NTM: variants seen among roughly 807,000 people sequenced by gnomAD.
The protein encoded by NTM is IgLON family member 2.
NTM carries 13 observed loss-of-function variants against 42.1 expected under a neutral mutation model. The ratio of observed to expected loss-of-function variants is 0.31; its 90% confidence interval spans 0.20 to 0.49. NTM has a LOEUF of 0.49. Among genes scored for constraint, NTM ranks in the 20% least tolerant of loss-of-function variants. The probability of loss-of-function intolerance (pLI) is 0.99; values close to 1 mark genes in which losing one functional copy is unlikely to be tolerated. For missense variants in NTM, 373 were observed against 452.8 expected (o/e 0.82, Z 1.60); for synonymous variants, 187 against 179.2 (o/e 1.04, Z -0.35).
intron 2 of NTM, among the ~76,000 whole-genome samples, chr11:131,921,133 A>G (rs1239629326): frequency 6.6e-6 from 1 of 152,172 alleles, no homozygotes; most frequent in Non-Finnish European, 1.5e-5. Context: ...ATTTTGTCCC[A>G]TCTCCCCACC....
intron 2 of NTM, among the ~76,000 whole-genome samples, chr11:131,992,267 ATTAC>A (rs1162339634): frequency 2.0e-5 from 3 of 152,156 alleles, no homozygotes; most frequent in African/African-American, 4.8e-5. Flanking sequence ...TTTCTCGTTT[ATTAC>A]TTTATTATAC....
At chr11:131,611,996 T>C (rs576724824) in intron 1 of NTM, among the ~76,000 whole-genome samples, 1 of 152,248 alleles carries the variant, frequency 6.6e-6, no homozygotes, top group African/African-American at 2.4e-5. Flanking sequence ...CTGTGAATAA[T>C]AGAAAATGGC....
intron 4 of NTM, among the ~76,000 whole-genome samples, chr11:132,251,255 C>T (rs1026476840): frequency 6.6e-6 from 1 of 152,190 alleles, no homozygotes; most frequent in African/African-American, 2.4e-5. Flanking sequence ...TTCCCCTGTC[C>T]TTTCAGATTG....
intron 1 of NTM, among the ~76,000 whole-genome samples, chr11:131,716,596 C>G (rs964277526): frequency 3.3e-5 from 5 of 151,946 alleles, no homozygotes; most frequent in African/African-American, 1.2e-4. Flanking sequence ...TTTGCATTTC[C>G]CTGATGACTG....
At chr11:132,162,497 G>A (rs2074509923) in intron 3 of NTM, among the ~76,000 whole-genome samples, 1 of 145,532 alleles carries the variant, frequency 6.9e-6, no homozygotes. Context: ...TGGGGGGAGT[G>A]TGGATGTGTG....
chr11:132,153,470 A>T (rs905234582), intron 3 of NTM, among the ~76,000 whole-genome samples: 7 of 151,992 alleles, frequency 4.6e-5, no homozygotes, highest in Admixed American at 4.6e-4. Flanking sequence ...TATATCCAAA[A>T]TTTTCCTCAT....
intron 2 of NTM, among the ~76,000 whole-genome samples, chr11:132,080,486 TCTCCAGA>T (rs1300111768): frequency 5.3e-5 from 8 of 152,180 alleles, no homozygotes; most frequent in Non-Finnish European, 1.2e-4. Context: ...GCAGCTTCAT[TCTCCAGA>T]CTAATGGGCA....
intron 1 of NTM, among the ~76,000 whole-genome samples, chr11:131,486,546 G>A (rs1173743177): frequency 6.6e-6 from 1 of 152,146 alleles, no homozygotes; most frequent in African/African-American, 2.4e-5. Context: ...TTGGAGCCTG[G>A]CAGAAATTGA....
At position 131,517,555 on chromosome 11, in the gene NTM, A is replaced by G. The variant is rs1035245388; in HGVS notation, c.82+146667A>G. Among the ~76,000 whole-genome samples, 132 of 152,140 alleles carry G rather than the reference A, an allele frequency of 8.7e-4. 7 individuals are homozygous for G. The highest frequency in any genetic ancestry group is 1.8e-4 in the Non-Finnish European group (12 of 68,040). On this transcript the variant is annotated intron_variant, in intron 1 of 8. Transcript: ENST00000683400. ...CCTGTGTCTCAGATATGCCCTCTCCACAGCCATCCTAATTGATAACTCAAG... is the reference window on the plus strand; with the variant it reads ...CCTGTGTCTCAGATATGCCCTCTCCGCAGCCATCCTAATTGATAACTCAAG...
intron 2 of NTM, among the ~76,000 whole-genome samples, chr11:132,142,940 G>A (rs2069510943): frequency 6.6e-6 from 1 of 152,190 alleles, no homozygotes; most frequent in African/African-American, 2.4e-5. Flanking sequence ...TTCATCGGGA[G>A]GTTGTGAGAT....
intron 2 of NTM, among the ~76,000 whole-genome samples, chr11:131,936,292 A>G (rs1222076722): frequency 6.6e-6 from 1 of 152,200 alleles, no homozygotes; most frequent in Non-Finnish European, 1.5e-5. Context: ...GCATTCCTCT[A>G]TATAATACCA....
chr11:132,309,993 GT>G lies in NTM; in HGVS notation c.662-118del, dbSNP rs1230884463. Reference sequence around the variant, plus strand: ...ATTGCTTGAACCCGGGAGGCAGAACGTGCAGTGAGCCAAGATCATGCCACTG... The same window carrying G: ...ATTGCTTGAACCCGGGAGGCAGAACGGCAGTGAGCCAAGATCATGCCACTG... On this transcript the variant is annotated intron_variant, in intron 5 of 8. Transcript: ENST00000683400. The G allele has an allele frequency of 3.2e-6, 4 of 1,243,282 alleles. No homozygotes were observed. The South Asian group carries it at 7.4e-5, about 23-fold the overall frequency. 77.0% of individuals were successfully genotyped at this position (1,243,282 alleles called of 1,614,324 possible).
At chr11:131,891,339 G>A (rs2051303071) in intron 1 of NTM, among the ~76,000 whole-genome samples, 1 of 152,154 alleles carries the variant, frequency 6.6e-6, no homozygotes, top group African/African-American at 2.4e-5. Context: ...CTTGAGGGGT[G>A]AATAGTGTTG....
chr11:131,455,287 GGC>G (rs1950787913), intron 1 of NTM, among the ~76,000 whole-genome samples: 2 of 152,128 alleles, frequency 1.3e-5, no homozygotes, highest in Admixed American at 1.3e-4. Context: ...ACGAGTAGAC[GGC>G]CCAAGCGGAG....
Position 132,316,736 on chromosome 11 carries a change from G to A in NTM, c.934+2033G>A, listed in dbSNP as rs117167997. Among the ~76,000 whole-genome samples, 276 of 152,260 alleles carry A rather than the reference G, an allele frequency of 1.8e-3. 1 individual carries two copies. The highest frequency in any genetic ancestry group is 3.2e-3 in the Non-Finnish European group (215 of 68,014). ...TGGGTAACATAATTCTGTGGAGCTC[G>A]CAAACCCCATTCCTGTGTGAGATGA... On this transcript the variant is annotated intron_variant, in intron 7 of 8. Transcript: ENST00000683400.
chr11:131,540,182 T>G (rs1363342363), intron 1 of NTM, among the ~76,000 whole-genome samples: 1 of 52,118 alleles, frequency 1.9e-5, no homozygotes, highest in Non-Finnish European at 4.0e-5. Flanking sequence ...TTTTTTTTTT[T>G]GAGACGGAGT....
chr11:131,744,617 G>GT (rs202026422), intron 1 of NTM, among the ~76,000 whole-genome samples: 362 of 151,334 alleles, frequency 2.4e-3, no homozygotes, highest in African/African-American at 8.0e-3. Flanking sequence ...GAAAATTAAT[G>GT]TTTTTTTTAA....
chr11:131,705,757 AG>A (rs201163098), intron 1 of NTM, among the ~76,000 whole-genome samples: 1,918 of 152,232 alleles, frequency 0.013, 28 homozygotes, highest in Non-Finnish European at 0.018. Flanking sequence ...AGTTTAAGTT[AG>A]GTTGTTTTCA....
intron 1 of NTM, among the ~76,000 whole-genome samples, chr11:131,397,506 A>G (rs974899961): frequency 3.3e-5 from 5 of 152,110 alleles, no homozygotes; most frequent in Non-Finnish European, 2.9e-5. Context: ...CCCAGCTTCT[A>G]ATTTTGTATT....
Sources: gnomAD v4.1 joint callset for allele counts (sites outside exome capture counted in the v4.1 genomes callset) on GRCh38, gnomAD v4.1.1 for gene constraint, MANE v1.5 for transcripts, NCBI Gene and HGNC (gene_info 2026-07-23, HGNC 2026-07-21) for gene names.